SLC26A3: variants seen among roughly 807,000 people sequenced by gnomAD.
The protein encoded by SLC26A3 is solute carrier family 26 member 3.
Under a neutral mutation model 85.6 loss-of-function variants are expected in SLC26A3, and 64 were observed. The observed-to-expected ratio is 0.75, with a 90% confidence interval of 0.61 to 0.92. The LOEUF is 0.92. Ranked by LOEUF, SLC26A3 falls within the 40% of genes least tolerant of loss-of-function variation. The pLI is 0.00. For missense variants in SLC26A3, 922 were observed against 927.3 expected (o/e 0.99, Z 0.07); for synonymous variants, 349 against 336.0 (o/e 1.04, Z -0.42).
chr7:107,800,559 A>C (rs896850963), intron 1 of SLC26A3, among the ~76,000 whole-genome samples: 4 of 152,216 alleles, frequency 2.6e-5, no homozygotes. Flanking sequence ...TTATTTGTTT[A>C]TGTTTCTGTT....
At chr7:107,791,288 G>T in intron 4 of SLC26A3, 53 bp from the exon 5 acceptor site, 1 of 1,539,914 alleles carries the variant, frequency 6.5e-7, no homozygotes, top group South Asian at 1.1e-5. Context: ...AAAGCACATT[G>T]TCTTTCAACC....
chr7:107,772,869 A>C (rs950389254), intron 17 of SLC26A3, among the ~76,000 whole-genome samples: 1 of 152,220 alleles, frequency 6.6e-6, no homozygotes, highest in African/African-American at 2.4e-5. Flanking sequence ...AGTAGACTTG[A>C]GAGTTACATG....
intron 11 of SLC26A3, among the ~76,000 whole-genome samples, chr7:107,780,706 T>C (rs929881557): frequency 4.6e-5 from 7 of 152,312 alleles, no homozygotes; most frequent in Middle Eastern, 3.4e-3. Context: ...CCTTATAATA[T>C]AATATCTAAG....
Position 107,765,650 on chromosome 7 carries a change from C to T in SLC26A3, c.*205G>A. On this transcript the variant is annotated 3_prime_UTR_variant, in exon 21 of 21. Transcript: ENST00000340010. Reference sequence around the variant, plus strand: ...TAATTTTCACCCTTTGATAAAGCTACAAGATATAAAATTTAGAATACTTAT... The same window carrying T: ...TAATTTTCACCCTTTGATAAAGCTATAAGATATAAAATTTAGAATACTTAT... 1 of 521,480 alleles carries T rather than the reference C, an allele frequency of 1.9e-6. No homozygotes were observed. Among genetic ancestry groups the T allele is most frequent in the Non-Finnish European group, 3.4e-6 (1 of 293,382 alleles). The allele number at this position is 521,480 out of a possible 1,614,324, so 32.3% of individuals were successfully genotyped here.
At chr7:107,787,309 A>G in intron 7 of SLC26A3, 48 bp downstream of exon 7, 1 of 1,601,598 alleles carries the variant, frequency 6.2e-7, no homozygotes, top group Non-Finnish European at 8.6e-7. Context: ...GACTTACAAC[A>G]TATAAACAGT....
chr7:107,787,267 C>T (rs1794313086), intron 7 of SLC26A3, 90 bp downstream of exon 7: 1 of 1,352,888 alleles, frequency 7.4e-7, no homozygotes, highest in Non-Finnish European at 1.1e-6. Context: ...GCCTCTGCCC[C>T]ACTAAAACTT....
At chr7:107,780,262 G>T (rs1468052043) in intron 11 of SLC26A3, among the ~76,000 whole-genome samples, 1 of 152,050 alleles carries the variant, frequency 6.6e-6, no homozygotes, top group Non-Finnish European at 1.5e-5. Flanking sequence ...TCTAGTTCCT[G>T]CTATATCCCC....
rs1227473594 is a variant in SLC26A3, at chr7:107,791,814, T to A, written c.382+16A>T. Reference sequence around the variant, plus strand: ...AAAAACAATGTGAGCATTAATCAGCTCAGTAACTGACTTACCCACGGATAT... The same window carrying A: ...AAAAACAATGTGAGCATTAATCAGCACAGTAACTGACTTACCCACGGATAT... On this transcript the variant is annotated intron_variant, in intron 4 of 20. Coordinates refer to ENST00000340010, the MANE Select transcript of SLC26A3 (RefSeq NM_000111.3). 37 of 1,487,120 alleles carry A rather than the reference T, an allele frequency of 2.5e-5. No homozygotes were observed. The Admixed American group carries it at 5.9e-4, about 24-fold the overall frequency. The allele number at this position is 1,487,120 out of a possible 1,614,324, so 92.1% of individuals were successfully genotyped here. A position where few individuals can be genotyped will look rare whatever the true frequency, so the allele number is the denominator to read the frequency against.
chr7:107,778,087 C>T, intron 13 of SLC26A3, 88 bp downstream of exon 13: 2 of 860,258 alleles, frequency 2.3e-6, no homozygotes, highest in Non-Finnish European at 3.9e-6. Context: ...CAACCAACTA[C>T]TGTTCTTTTA....
At chr7:107,794,057 T>A (rs1794452956) in intron 2 of SLC26A3, among the ~76,000 whole-genome samples, 176 bp from the exon 3 acceptor site, 1 of 152,240 alleles carries the variant, frequency 6.6e-6, no homozygotes, top group Admixed American at 6.5e-5. Flanking sequence ...AAGGATTTTT[T>A]AAAATGCTTG....
rs1165966258 is a variant in SLC26A3 at position 107,767,582 on chromosome 7, A to G, written c.2268T>C (p.Tyr756=). ...NTNGGLRNRV[Y]EVPVETKF ...TAAACCTGTTGAAGAATCTTACCTC[A>G]TATACCCGATTACGTAATCCTCCAT... is the stretch of plus-strand genomic sequence containing the variant. Residue 756 remains tyrosine, a synonymous_variant, in exon 20 of 21, where the codon TAT becomes TAC. Coordinates refer to ENST00000340010, the MANE Select transcript of SLC26A3 (RefSeq NM_000111.3). 3.1e-6 allele frequency: 5 copies of G among 1,605,986 alleles called. No individual in the cohort carries two copies. The highest frequency in any genetic ancestry group is 1.3e-5 in the African/African-American group (1 of 74,864).
chr7:107,800,744 G>A (rs1329577952), intron 1 of SLC26A3, among the ~76,000 whole-genome samples: 1 of 152,248 alleles, frequency 6.6e-6, no homozygotes, highest in Non-Finnish European at 1.5e-5. Flanking sequence ...ATACACAGGA[G>A]AAGTGCCCAA....
Position 107,787,410 on chromosome 7 carries a change from T to A in SLC26A3, c.835A>T (p.Asn279Tyr). 1 of 1,614,100 alleles carries A rather than the reference T, an allele frequency of 6.2e-7. No individual in the cohort carries two copies. The highest frequency in any genetic ancestry group is 8.5e-7 in the Non-Finnish European group (1 of 1,179,992). The change falls in exon 7 of 21, where the codon AAT (asparagine) becomes TAT (tyrosine). Residue 279 changes from asparagine (N) to tyrosine (Y), a missense_variant. Transcript: ENST00000340010. ...GGAAGTTTGTCTTTGAAGCGCTGATTTATTTCTTTAACAATGGATACAACC... is the reference window on the plus strand; with the variant it reads ...GGAAGTTTGTCTTTGAAGCGCTGATATATTTCTTTAACAATGGATACAACC... ...LLVVSIVKEI[N>Y]QRFKDKLPVP...
At chr7:107,800,490 A>G (rs2115911516) in intron 1 of SLC26A3, among the ~76,000 whole-genome samples, 2 of 152,388 alleles carry the variant, frequency 1.3e-5, no homozygotes, top group South Asian at 4.1e-4. Flanking sequence ...ATCCCTAGAT[A>G]GAGTTGATCA....
chr7:107,788,327 T>G (rs1003622197), intron 6 of SLC26A3, among the ~76,000 whole-genome samples: 5 of 152,326 alleles, frequency 3.3e-5, no homozygotes, highest in African/African-American at 1.2e-4. Flanking sequence ...TATTAAAAGC[T>G]TTACCATTTT....
intron 13 of SLC26A3, among the ~76,000 whole-genome samples, 195 bp downstream of exon 13, chr7:107,777,980 T>A (rs1252012799): frequency 6.6e-6 from 1 of 152,254 alleles, no homozygotes; most frequent in Non-Finnish European, 1.5e-5. Context: ...CCTGGGCTGA[T>A]GTTCTAAAGC....
chr7:107,784,694 C>T lies in SLC26A3; in HGVS notation c.972-1342G>A, dbSNP rs139815140. 2.4e-3 allele frequency among the ~76,000 whole-genome samples: 364 copies of T among 152,308 alleles called. 1 individual carries two copies. The highest frequency in any genetic ancestry group is 8.1e-3 in the African/African-American group (338 of 41,576). On this transcript the variant is annotated intron_variant, in intron 8 of 20. Coordinates refer to ENST00000340010, the MANE Select transcript of SLC26A3 (RefSeq NM_000111.3). ...TGATTCACCCGCCTCGACCTCCCAA[C>T]GTGCTGAGATTACAGACGTGAGCCA...
rs549968754 is a variant in SLC26A3 at position 107,800,454 on chromosome 7, AGAAAATGATGTAAAGCCTTCATG to A, written c.-89+2634_-89+2656del. Among the ~76,000 whole-genome samples, 841 of 152,380 alleles carry A rather than the reference AGAAAATGATGTAAAGCCTTCATG, an allele frequency of 5.5e-3. 5 individuals are homozygous for A. Among genetic ancestry groups the A allele is most frequent in the Non-Finnish European group, 8.6e-3 (588 of 68,034 alleles). ...GTTCCTAACACAGTTGTAGAAGATA[AGAAAATGATGTAAAGCCTTCATG>A]GAATCCCTAGATAGAGTTGATCATT... On this transcript the variant is annotated intron_variant, in intron 1 of 20. Transcript: ENST00000340010.
intron 15 of SLC26A3, among the ~76,000 whole-genome samples, chr7:107,775,147 AT>A (rs1401961563): frequency 6.6e-6 from 1 of 152,090 alleles, no homozygotes; most frequent in Non-Finnish European, 1.5e-5. Flanking sequence ...CATAAACTCT[AT>A]TTGAATCTGT....
Sources: gnomAD v4.1 joint callset for allele counts (sites outside exome capture counted in the v4.1 genomes callset) on GRCh38, gnomAD v4.1.1 for gene constraint, MANE v1.5 for transcripts, NCBI Gene and HGNC (gene_info 2026-07-23, HGNC 2026-07-21) for gene names.